UBE2E2: variants seen among roughly 807,000 people sequenced by gnomAD.
UBE2E2 encodes ubiquitin-conjugating enzyme E2 E2.
Under a neutral mutation model 24.7 loss-of-function variants are expected in UBE2E2, and 6 were observed. The ratio of observed to expected loss-of-function variants is 0.24; its 90% CI spans 0.13 to 0.48. UBE2E2 has a LOEUF of 0.48. Ranked by LOEUF, UBE2E2 falls within the 20% of genes least tolerant of loss-of-function variation. The probability of loss-of-function intolerance (pLI) is 0.99; values close to 1 mark genes in which losing one functional copy is unlikely to be tolerated. For synonymous variants in UBE2E2, 104 were observed against 83.6 expected, an observed-to-expected ratio of 1.24 and a Z score of -1.33; for missense variants, 169 against 245.0, an observed-to-expected ratio of 0.69 and a Z score of 2.07.
At position 23,355,592 on chromosome 3, in the gene UBE2E2, C is replaced by G. The variant is rs141316534; in HGVS notation, c.227+138280C>G. Among the ~76,000 whole-genome samples the G allele has an allele frequency of 2.3e-3, 351 of 152,182 alleles. 3 individuals are homozygous for G. The highest frequency in any genetic ancestry group is 7.9e-3 in the African/African-American group (330 of 41,536). ...TGAAATAGCGACTTGTAACTAGAAA[C>G]AAGTTTAGAAAATACAGTTACTTTT... On this transcript the variant is annotated intron_variant, in intron 3 of 5. Coordinates refer to ENST00000396703, the MANE Select transcript of UBE2E2 (RefSeq NM_152653.4).
chr3:23,272,893 G>T (rs1255172534), intron 3 of UBE2E2, among the ~76,000 whole-genome samples: 1 of 152,130 alleles, frequency 6.6e-6, no homozygotes, highest in African/African-American at 2.4e-5. Flanking sequence ...TTCAGTTTGA[G>T]TCCCGAAGCA....
chr3:23,278,327 A>G (rs1272160765), intron 3 of UBE2E2, among the ~76,000 whole-genome samples: 2 of 152,188 alleles, frequency 1.3e-5, no homozygotes, highest in Non-Finnish European at 2.9e-5. Flanking sequence ...CCAGAAAATT[A>G]AGAAATATAT....
intron 3 of UBE2E2, among the ~76,000 whole-genome samples, chr3:23,463,427 A>G (rs1006613575): frequency 5.9e-5 from 9 of 152,122 alleles, no homozygotes; most frequent in African/African-American, 1.9e-4. Context: ...CTGCTTTACT[A>G]TAAGCAATGA....
intron 3 of UBE2E2, among the ~76,000 whole-genome samples, chr3:23,259,787 G>A (rs1220183995): frequency 6.6e-6 from 1 of 152,146 alleles, no homozygotes; most frequent in Non-Finnish European, 1.5e-5. Context: ...AAGGTAAGAG[G>A]ACCCTCGAGA....
intron 3 of UBE2E2, among the ~76,000 whole-genome samples, chr3:23,357,516 A>AT (rs143365093): frequency 0.021 from 3,226 of 152,170 alleles, 60 homozygotes; most frequent in Middle Eastern, 0.048. Context: ...CAGGTTTAGC[A>AT]TTTTTTTAAA....
intron 3 of UBE2E2, among the ~76,000 whole-genome samples, chr3:23,287,279 C>G (rs565251118): frequency 6.6e-6 from 1 of 152,074 alleles, no homozygotes; most frequent in Non-Finnish European, 1.5e-5. Flanking sequence ...TTCCACTTGG[C>G]CATGATAAAA....
chr3:23,420,870 A>G (rs1475337844), intron 3 of UBE2E2, among the ~76,000 whole-genome samples: 1 of 152,238 alleles, frequency 6.6e-6, no homozygotes, highest in East Asian at 1.9e-4. Flanking sequence ...ACCCCTAACT[A>G]GATATTGCCT....
At chr3:23,359,339 G>T (rs1696050410) in intron 3 of UBE2E2, among the ~76,000 whole-genome samples, 1 of 152,132 alleles carries the variant, frequency 6.6e-6, no homozygotes, top group Non-Finnish European at 1.5e-5. Flanking sequence ...GATAAGAGTT[G>T]TACTAGGCCT....
At position 23,395,250 on chromosome 3, in the gene UBE2E2, G is replaced by T. The variant is rs183451130; in HGVS notation, c.228-104358G>T. 6.9e-4 allele frequency among the ~76,000 whole-genome samples: 105 copies of T among 152,236 alleles called. 1 individual carries two copies. Among genetic ancestry groups the T allele is most frequent in the African/African-American group, 2.2e-3 (92 of 41,544 alleles). ...GCCAAACAACAGAAAATCCATCCAG[G>T]TCTGGATTCTAGTAAAGTCATTTCC... On this transcript the variant is annotated intron_variant, in intron 3 of 5. Transcript: ENST00000396703.
intron 3 of UBE2E2, among the ~76,000 whole-genome samples, chr3:23,244,281 T>C (rs545379316): frequency 6.6e-6 from 1 of 152,356 alleles, no homozygotes; most frequent in South Asian, 2.1e-4. Flanking sequence ...TTTATAATTA[T>C]GTTGTCACCA....
intron 5 of UBE2E2, among the ~76,000 whole-genome samples, chr3:23,560,109 G>A (rs570455322): frequency 3.3e-5 from 5 of 151,758 alleles, no homozygotes; most frequent in Non-Finnish European, 7.4e-5. Flanking sequence ...TGTGCACAAC[G>A]TGCAGGTTTG....
chr3:23,206,437 G>T (rs1056215445), intron 1 of UBE2E2, among the ~76,000 whole-genome samples: 4 of 152,158 alleles, frequency 2.6e-5, no homozygotes, highest in African/African-American at 9.7e-5. Context: ...AGTGACTTTA[G>T]TGCTCATAAA....
At chr3:23,336,689 G>A (rs893367839) in intron 3 of UBE2E2, among the ~76,000 whole-genome samples, 1 of 152,170 alleles carries the variant, frequency 6.6e-6, no homozygotes, top group African/African-American at 2.4e-5. Context: ...GATAGTTAAC[G>A]AAATCCAATA....
chr3:23,456,183 T>C (rs986587053), intron 3 of UBE2E2, among the ~76,000 whole-genome samples: 1 of 152,226 alleles, frequency 6.6e-6, no homozygotes, highest in African/African-American at 2.4e-5. Context: ...AATCAATATC[T>C]TTAGGCTCCA....
chr3:23,317,723 A>G (rs1050634624), intron 3 of UBE2E2, among the ~76,000 whole-genome samples: 1 of 152,020 alleles, frequency 6.6e-6, no homozygotes, highest in Non-Finnish European at 1.5e-5. Context: ...CAGCACGAGA[A>G]AGACCTGCCC....
At chr3:23,403,302 C>G (rs901609487) in intron 3 of UBE2E2, among the ~76,000 whole-genome samples, 3 of 152,222 alleles carry the variant, frequency 2.0e-5, no homozygotes, top group Non-Finnish European at 4.4e-5. Context: ...CCAACATTTT[C>G]AGTTTCACTT....
Position 23,480,206 on chromosome 3 carries a change from G to A in UBE2E2, c.228-19402G>A, listed in dbSNP as rs545306703. ...GGTGTCTAAAGTCTGGAAGGAGCCTGTGCAGCAGGGGGCTGGTGTGTCAGT... is the reference window on the plus strand; with the variant it reads ...GGTGTCTAAAGTCTGGAAGGAGCCTATGCAGCAGGGGGCTGGTGTGTCAGT... On this transcript the variant is annotated intron_variant, in intron 3 of 5. Transcript: ENST00000396703. Among the ~76,000 whole-genome samples, 10 of 152,352 alleles carry A rather than the reference G, an allele frequency of 6.6e-5. No homozygotes were observed. The South Asian group carries it at 1.9e-3, about 28-fold the overall frequency.
At chr3:23,235,056 G>C (rs1382304562) in intron 3 of UBE2E2, among the ~76,000 whole-genome samples, 1 of 152,186 alleles carries the variant, frequency 6.6e-6, no homozygotes, top group East Asian at 1.9e-4. Flanking sequence ...TCAGCACTGT[G>C]CTGTATACTG....
intron 3 of UBE2E2, among the ~76,000 whole-genome samples, chr3:23,328,579 T>C (rs1244323673): frequency 6.6e-6 from 1 of 152,218 alleles, no homozygotes; most frequent in East Asian, 1.9e-4. Flanking sequence ...CAGTTTATGA[T>C]GGCTTTATTG....
Sources: allele counts gnomAD v4.1 joint callset (sites outside exome capture counted in the v4.1 genomes callset), GRCh38; gene constraint gnomAD v4.1.1; transcripts MANE v1.5; gene names NCBI Gene and HGNC (gene_info 2026-07-23, HGNC 2026-07-21).